ANKHD1: variants seen among roughly 807,000 people sequenced by gnomAD.
ANKHD1 encodes the protein ankyrin repeat and KH domain containing 1.
A neutral mutation model predicts 230.5 loss-of-function variants in ANKHD1; 31 were observed. That is an observed-to-expected ratio of 0.13 (90% CI 0.10 to 0.18). The LOEUF (loss-of-function observed/expected upper bound fraction) is 0.18. Ranked by LOEUF, ANKHD1 falls within the 10% of genes least tolerant of loss-of-function variation. The pLI is 1.00. For synonymous variants in ANKHD1, 1,074 were observed against 1,117.6 expected, an observed-to-expected ratio of 0.96 and a Z score of 0.78; for missense variants, 2,256 against 3,071.3, an observed-to-expected ratio of 0.73 and a Z score of 6.27.
At chr5:140,537,770 G>T (rs1339487671) in intron 31 of ANKHD1, 181 bp downstream of exon 31, 1 of 1,051,346 alleles carries the variant, frequency 9.5e-7, no homozygotes, top group Non-Finnish European at 1.3e-6. Flanking sequence ...CTGGAATATT[G>T]GTTGAGGTAA....
chr5:140,537,575 T>G lies in ANKHD1; in HGVS notation c.7214T>G (p.Val2405Gly), dbSNP rs148610461. 1 of 1,588,144 alleles carries G rather than the reference T, an allele frequency of 6.3e-7. No individual in the cohort carries two copies. The highest frequency in any genetic ancestry group is 8.6e-7 in the Non-Finnish European group (1 of 1,166,886). The change falls in exon 31 of 34, where the codon GTC (valine) becomes GGC (glycine). Residue 2405 changes from valine (V) to glycine (G), a missense_variant. Transcript: ENST00000360839. ...VGHSGIWSFG[V>G]NAVSEGLSGW... ...CACAGTGGAATCTGGTCATTTGGTG[T>G]CAATGCTGTGTCAGGTACAATTGCC...
chr5:140,457,623 A>C (rs1054149873), intron 7 of ANKHD1, among the ~76,000 whole-genome samples: 1 of 152,098 alleles, frequency 6.6e-6, no homozygotes, highest in Non-Finnish European at 1.5e-5. Flanking sequence ...CAGACAGCGC[A>C]TGTTCTCACT....
chr5:140,522,483 G>A (rs970133820), intron 24 of ANKHD1, among the ~76,000 whole-genome samples: 1 of 151,854 alleles, frequency 6.6e-6, no homozygotes, highest in Admixed American at 6.6e-5. Flanking sequence ...ACTAAAATTT[G>A]CTATCAAAAT....
At position 140,514,170 on chromosome 5, in the gene ANKHD1, C is replaced by T. The variant is rs571168850; in HGVS notation, c.4317+691C>T. Among the ~76,000 whole-genome samples, 26 of 140,216 alleles carry T rather than the reference C, an allele frequency of 1.9e-4. No individual in the cohort carries two copies. In the East Asian group the frequency reaches 3.4e-3, roughly 18 times the overall value. 92.0% of individuals were successfully genotyped at this position (140,216 alleles called of 152,430 possible). ...CTGCAGTCCAGCCTAGGCAACAGAT[C>T]GAGACTCTCTCTCTATTAAAAAAAA... On this transcript the variant is annotated intron_variant, in intron 24 of 33. Transcript: ENST00000360839.
At chr5:140,410,953 A>G (rs2126847037) in intron 1 of ANKHD1, among the ~76,000 whole-genome samples, 1 of 152,310 alleles carries the variant, frequency 6.6e-6, no homozygotes, top group Admixed American at 6.5e-5. Flanking sequence ...TGACTGGTAA[A>G]GGTGGGATTT....
chr5:140,462,664 G>C (rs959602422), intron 9 of ANKHD1, among the ~76,000 whole-genome samples: 4 of 147,038 alleles, frequency 2.7e-5, no homozygotes, highest in Non-Finnish European at 5.9e-5. Flanking sequence ...GGCAGAGCTT[G>C]CAGTGAGCCG....
In ANKHD1 at chr5:140,508,110, C is replaced by G. The variant is rs542994623; in HGVS notation, c.3765+112C>G. On this transcript the variant is annotated intron_variant, in intron 20 of 33. Coordinates refer to ENST00000360839, the MANE Select transcript of ANKHD1 (RefSeq NM_017747.3). ...AAATTATCATAAATTAAAACTGATA[C>G]CAATGCAGAGTTGAGGGATTATGCT... The G allele has an allele frequency of 1.0e-5, 14 of 1,357,630 alleles. No individual in the cohort carries two copies. The South Asian group carries it at 2.0e-4, about 20-fold the overall frequency. The allele number at this position is 1,357,630 out of a possible 1,614,324, so 84.1% of individuals were successfully genotyped here.
chr5:140,533,499 T>G (rs897697600), intron 29 of ANKHD1, among the ~76,000 whole-genome samples: 2 of 152,082 alleles, frequency 1.3e-5, no homozygotes, highest in Non-Finnish European at 2.9e-5. Flanking sequence ...CTTGGGAGGC[T>G]GAGGCAGGAG....
intron 2 of ANKHD1, 128 bp from the exon 3 acceptor site, chr5:140,438,333 C>G: frequency 7.5e-7 from 1 of 1,324,638 alleles, no homozygotes; most frequent in Non-Finnish European, 9.9e-7. Flanking sequence ...TTCTGTCAAC[C>G]TAACCTATGG....
intron 15 of ANKHD1, among the ~76,000 whole-genome samples, chr5:140,503,354 C>T (rs2127048329): frequency 6.6e-6 from 1 of 151,754 alleles, no homozygotes; most frequent in Admixed American, 6.6e-5. Context: ...TATAAAATAT[C>T]TGATAGTTAC....
At chr5:140,517,698 C>T (rs1753099122) in intron 24 of ANKHD1, among the ~76,000 whole-genome samples, 2 of 143,558 alleles carry the variant, frequency 1.4e-5, no homozygotes, top group South Asian at 4.9e-4. Context: ...CTACTGGGTA[C>T]ATAACGAAAT....
chr5:140,455,879 G>A (rs993889279), intron 7 of ANKHD1, among the ~76,000 whole-genome samples: 3 of 152,166 alleles, frequency 2.0e-5, no homozygotes, highest in African/African-American at 7.2e-5. Context: ...ATCAGGAGGA[G>A]AAAGAAATAA....
At chr5:140,478,909 G>A (rs1391962002) in intron 10 of ANKHD1, among the ~76,000 whole-genome samples, 2 of 152,064 alleles carry the variant, frequency 1.3e-5, no homozygotes, top group Non-Finnish European at 2.9e-5. Flanking sequence ...CTCCTAAAGT[G>A]CTGGGATTAA....
In ANKHD1 at chr5:140,496,676, T is replaced by G. The variant is rs1752057070; in HGVS notation, c.2402T>G (p.Leu801Arg). The G allele has an allele frequency of 6.2e-6, 10 of 1,613,752 alleles. No individual in the cohort carries two copies. The East Asian group carries it at 2.2e-4, about 36-fold the overall frequency. ...ATTAGTGCTATTGAAAAAGCACAGC[T>G]TAAGTCACTGGAGTTAATTCAAGGT... ...QRISAIEKAQ[L>R]KSLELIQGEP... The change falls in exon 15 of 34, where the codon CTT becomes CGT. Residue 801 changes from leucine (L) to arginine (R), a missense_variant. Coordinates refer to ENST00000360839, the MANE Select transcript of ANKHD1 (RefSeq NM_017747.3).
intron 10 of ANKHD1, among the ~76,000 whole-genome samples, chr5:140,477,768 C>T (rs1212681326): frequency 6.6e-6 from 1 of 152,094 alleles, no homozygotes; most frequent in Non-Finnish European, 1.5e-5. Context: ...CCTGCCTCCG[C>T]GCCTGGGTAA....
At chr5:140,496,478 T>C in intron 14 of ANKHD1, 42 bp from the exon 15 acceptor site, 4 of 1,160,592 alleles carry the variant, frequency 3.4e-6, no homozygotes, top group Non-Finnish European at 4.4e-6. Context: ...TTTTTTTTTT[T>C]TTTTAGCATG....
chr5:140,451,653 C>T (rs371681740), intron 7 of ANKHD1, among the ~76,000 whole-genome samples: 13 of 152,018 alleles, frequency 8.6e-5, no homozygotes, highest in African/African-American at 1.4e-4. Context: ...GGACTACAGG[C>T]GCACACCACT....
At chr5:140,427,470 G>C (rs1772578147) in intron 1 of ANKHD1, among the ~76,000 whole-genome samples, 1 of 131,352 alleles carries the variant, frequency 7.6e-6, no homozygotes, top group Non-Finnish European at 1.6e-5. Context: ...CGGGCAGAGG[G>C]GCTCCTCACT....
chr5:140,462,724 C>CTAAAAAAAAA (rs1775794848), intron 9 of ANKHD1, among the ~76,000 whole-genome samples: 1 of 89,032 alleles, frequency 1.1e-5, no homozygotes, highest in Non-Finnish European at 2.1e-5. Context: ...GACTCCATCT[C>CTAAAAAAAAA]AAAAAAAAAA....
Sources: gnomAD v4.1 joint callset for allele counts (sites outside exome capture counted in the v4.1 genomes callset) on GRCh38, gnomAD v4.1.1 for gene constraint, MANE v1.5 for transcripts, NCBI Gene and HGNC (gene_info 2026-07-23, HGNC 2026-07-21) for gene names.